The following CEP85L variants were observed in gnomAD, a reference collection of about 807,000 sequenced individuals.
CEP85L encodes the protein centrosomal protein of 85 kDa-like.
In CEP85L, 60 loss-of-function variants were observed where a neutral mutation model predicts 100.3. The ratio of observed to expected loss-of-function variants is 0.60; its 90% CI spans 0.49 to 0.74. The LOEUF is 0.74. Ranked by LOEUF, CEP85L falls within the 30% of genes least tolerant of loss-of-function variation. The pLI, the probability that CEP85L is intolerant of heterozygous loss-of-function variation, is 0.00. For synonymous variants in CEP85L, 319 were observed against 322.7 expected (o/e 0.99, Z 0.12); for missense variants, 973 against 936.2 (o/e 1.04, Z -0.51).
At chr6:118,650,492 A>T (rs1460627090) in intron 1 of CEP85L, among the ~76,000 whole-genome samples, 1 of 152,196 alleles carries the variant, frequency 6.6e-6, no homozygotes, top group African/African-American at 2.4e-5. Flanking sequence ...TTTTCCTTGA[A>T]GGGGCCACGG....
At position 118,683,750 on chromosome 6, in the gene CEP85L, G is replaced by A. The variant is rs1455206878; in HGVS notation, c.-28+26286C>T. On this transcript the variant is annotated intron_variant, in intron 1 of 13. Transcript: ENST00000368488. ...ATTAAAGGGCAGGAATCAAAAACAT[G>A]ATCAACTCTGTAAAAGCCCTGAGCT... 8.5e-5 allele frequency among the ~76,000 whole-genome samples: 13 copies of A among 152,272 alleles called. No homozygotes were observed. In the South Asian group the frequency reaches 2.7e-3, roughly 32 times the overall value.
intron 3 of CEP85L, among the ~76,000 whole-genome samples, chr6:118,536,638 A>C (rs1022419928): frequency 7.9e-5 from 12 of 152,180 alleles, no homozygotes; most frequent in Non-Finnish European, 1.5e-4. Context: ...CTATCTCATC[A>C]TCACTTTGGT....
chr6:118,611,893 A>G (rs566317747), intron 2 of CEP85L, among the ~76,000 whole-genome samples: 6 of 129,878 alleles, frequency 4.6e-5, no homozygotes, highest in Non-Finnish European at 7.5e-5. Flanking sequence ...ATCTATAATT[A>G]TATTTGTAGA....
At chr6:118,537,825 T>G in intron 3 of CEP85L, 1 of 985,346 alleles carries the variant, frequency 1.0e-6, no homozygotes, top group Non-Finnish European at 1.2e-6. Flanking sequence ...CTTGCCTTTG[T>G]CTCTGAGCTT....
intron 3 of CEP85L, among the ~76,000 whole-genome samples, chr6:118,535,436 C>T (rs1218844952): frequency 2.0e-5 from 3 of 152,196 alleles, no homozygotes; most frequent in Admixed American, 6.5e-5. Flanking sequence ...GCACACTTCT[C>T]TTGTAGTAAA....
intron 3 of CEP85L, chr6:118,565,318 C>T (rs1779436859): frequency 1.7e-6 from 1 of 576,896 alleles, no homozygotes; most frequent in Non-Finnish European, 3.1e-6. Context: ...AAGCTAGGTA[C>T]AAGGTTTTCA....
chr6:118,491,760 C>G lies in CEP85L; in HGVS notation c.1363G>C (p.Val455Leu), dbSNP rs759307314. 1 of 1,613,200 alleles carries G rather than the reference C, an allele frequency of 6.2e-7. No homozygotes were observed. Among genetic ancestry groups the G allele is most frequent in the Non-Finnish European group, 8.5e-7 (1 of 1,179,554 alleles). Residue 455 changes from valine (V) to leucine (L), a missense_variant, in exon 6 of 13, where the codon GTT becomes CTT. Val to Leu is a conservative substitution (Grantham distance 32, BLOSUM62 1). Around this residue, in one of 3 missense-constraint regions of CEP85L, gnomAD observed 890 missense variants for 844.5 expected, o/e 1.05. Coordinates refer to ENST00000368491, the MANE Select transcript of CEP85L (RefSeq NM_001042475.3). ...EQKLASTEKE[V>L]LQLNEFLKQR... is the part of the protein sequence containing the mutation. ...TTGAGAAACTCATTAAGCTGTAAAACTTCTTTCTCAGTAGATGCAAGCTTT... is the reference window on the plus strand; with the variant it reads ...TTGAGAAACTCATTAAGCTGTAAAAGTTCTTTCTCAGTAGATGCAAGCTTT...
intron 5 of CEP85L, among the ~76,000 whole-genome samples, chr6:118,511,009 A>G (rs1247786216): frequency 2.6e-5 from 4 of 152,142 alleles, no homozygotes; most frequent in African/African-American, 9.7e-5. Context: ...ATTTTTTTAA[A>G]TGCAGAAGAA....
At chr6:118,651,122 A>C (rs958846018) in intron 1 of CEP85L, 75 bp downstream of exon 1, 98 of 1,431,530 alleles carry the variant, frequency 6.8e-5, no homozygotes, top group Middle Eastern at 2.5e-4. Context: ...GCGGGAGGGG[A>C]GCGGCGGCGA....
At chr6:118,636,611 T>C (rs956180333) in intron 1 of CEP85L, among the ~76,000 whole-genome samples, 4 of 145,366 alleles carry the variant, frequency 2.8e-5, no homozygotes, top group African/African-American at 1.1e-4. Flanking sequence ...TAAGGCAGAC[T>C]GCCCTCCATA....
rs1021676948 is a variant in CEP85L at position 118,559,950 on chromosome 6, A to G, written c.1020+5579T>C. The G allele has an allele frequency of 4.8e-5, 8 of 167,074 alleles. No homozygotes were observed. In the East Asian group the frequency reaches 1.3e-3, roughly 28 times the overall value. 10.3% of individuals were successfully genotyped at this position (167,074 alleles called of 1,614,324 possible). ...CTAGAGTTACCTAGCTTACCATACT[A>G]TATCTTTGGAATCATGAAACCTTAA... On this transcript the variant is annotated intron_variant, in intron 3 of 12. Transcript: ENST00000368491.
chr6:118,465,551 C>T lies in CEP85L; in HGVS notation c.2272G>A (p.Glu758Lys), dbSNP rs764661622. ...GTGCTGTGGTCATTCTCAGTCTCTT[C>T]AGCTGAACAGTTCATTGCTGTGTAA... ...LGIRSMNCSA[E>K]ETENDHSTET... The change falls in exon 13 of 13, where the codon GAA (glutamate) becomes AAA (lysine). Residue 758 changes from glutamate to lysine, a missense_variant. By Grantham distance (56) the Glu-to-Lys change is moderately conservative (BLOSUM62 1). This residue lies in a region of CEP85L where 890 missense variants were observed against 844.5 expected (regional missense o/e 1.05). Coordinates refer to ENST00000368491, the MANE Select transcript of CEP85L (RefSeq NM_001042475.3). 2 of 1,613,036 alleles carry T rather than the reference C, an allele frequency of 1.2e-6. No homozygotes were observed. The highest frequency in any genetic ancestry group is 1.7e-6 in the Non-Finnish European group (2 of 1,179,488).
intron 5 of CEP85L, among the ~76,000 whole-genome samples, chr6:118,492,428 G>A (rs1157554167): frequency 6.6e-6 from 1 of 151,976 alleles, no homozygotes; most frequent in African/African-American, 2.4e-5. Context: ...AGAAAAAAAT[G>A]GCACAAAATA....
intron 1 of CEP85L, among the ~76,000 whole-genome samples, chr6:118,694,854 A>T (rs1400148063): frequency 1.3e-5 from 2 of 152,150 alleles, no homozygotes; most frequent in African/African-American, 4.8e-5. Flanking sequence ...CAGCCATCCC[A>T]TGTTCCCTTT....
intron 4 of CEP85L, among the ~76,000 whole-genome samples, chr6:118,521,583 A>T (rs1208803587): frequency 6.6e-6 from 1 of 152,178 alleles, no homozygotes; most frequent in East Asian, 1.9e-4. Context: ...AGTGAAGTCC[A>T]CTACTGGTCT....
At chr6:118,553,425 A>G (rs1778668920) in intron 3 of CEP85L, among the ~76,000 whole-genome samples, 1 of 152,220 alleles carries the variant, frequency 6.6e-6, no homozygotes. Context: ...TGGCCTAATT[A>G]TCATCATACA....
chr6:118,641,423 T>C (rs1774861773), intron 1 of CEP85L, among the ~76,000 whole-genome samples: 2 of 152,226 alleles, frequency 1.3e-5, no homozygotes, highest in Admixed American at 1.3e-4. Flanking sequence ...CTGAAAATTA[T>C]CTTTAGGAAA....
At chr6:118,687,980 G>A (rs1249855562) in intron 1 of CEP85L, among the ~76,000 whole-genome samples, 1 of 152,164 alleles carries the variant, frequency 6.6e-6, no homozygotes, top group African/African-American at 2.4e-5. Flanking sequence ...TTCTGATAGA[G>A]CTATAACACT....
At chr6:118,656,243 A>AGGAT (rs1775784353), upstream of CEP85L, among the ~76,000 whole-genome samples, 3 of 152,224 alleles carry the variant, frequency 2.0e-5, no homozygotes, top group Admixed American at 2.0e-4. Flanking sequence ...AAAGAATGTA[A>AGGAT]GGATATTGGC....
Sources: allele counts gnomAD v4.1 joint callset (sites outside exome capture counted in the v4.1 genomes callset), GRCh38; gene constraint gnomAD v4.1.1; regional missense constraint gnomAD v4.1.1; transcripts MANE v1.5; gene names NCBI Gene and HGNC (gene_info 2026-07-23, HGNC 2026-07-21).